Variants in SHISA9 observed in about 807,000 individuals in gnomAD.
SHISA9 encodes protein shisa-9.
Under a neutral mutation model 38.0 loss-of-function variants are expected in SHISA9, and 13 were observed. The observed-to-expected ratio is 0.34, with a 90% CI of 0.22 to 0.54. The LOEUF (loss-of-function observed/expected upper bound fraction) is 0.54. Ranked by LOEUF, SHISA9 falls within the 20% of genes least tolerant of loss-of-function variation. SHISA9 has a pLI of 0.91. For synonymous variants in SHISA9, 275 were observed against 242.0 expected, an observed-to-expected ratio of 1.14 and a Z score of -1.27; for missense variants, 538 against 575.8, an observed-to-expected ratio of 0.93 and a Z score of 0.67.
chr16:13,132,096 C>T (rs1274176371), intron 2 of SHISA9, among the ~76,000 whole-genome samples: 2 of 152,084 alleles, frequency 1.3e-5, no homozygotes, highest in Non-Finnish European at 2.9e-5. Context: ...ATGTATCAGC[C>T]AGAACAGAAA....
At chr16:13,458,572 G>A in the SHISA9 span, 8 of 415,868 alleles carry the variant, frequency 1.9e-5, no homozygotes, top group East Asian at 7.9e-5. Flanking sequence ...TGAACAGAAG[G>A]TGAAAGAGAT....
At chr16:13,528,330 T>C in the SHISA9 span, among the ~76,000 whole-genome samples, 1 of 151,764 alleles carries the variant, frequency 6.6e-6, no homozygotes. Context: ...CCAAAGAGCA[T>C]CAGAGCAGCC....
chr16:12,929,736 A>C (rs903845456), intron 2 of SHISA9, among the ~76,000 whole-genome samples: 4 of 152,050 alleles, frequency 2.6e-5, no homozygotes, highest in African/African-American at 9.7e-5. Context: ...CCACCACTGC[A>C]CACGTTTATA....
intron 2 of SHISA9, among the ~76,000 whole-genome samples, chr16:13,046,428 A>G (rs1416411785): frequency 1.3e-5 from 2 of 149,344 alleles, no homozygotes; most frequent in African/African-American, 4.8e-5. Context: ...TGCCCTGGGG[A>G]AAGCCAGGGA....
chr16:13,177,319 G>C (rs2050739627), intron 2 of SHISA9, among the ~76,000 whole-genome samples: 1 of 152,142 alleles, frequency 6.6e-6, no homozygotes, highest in Admixed American at 6.5e-5. Flanking sequence ...GCAATACGAA[G>C]TTTGGAAGCT....
At chr16:13,093,350 C>T (rs556084071) in intron 2 of SHISA9, among the ~76,000 whole-genome samples, 13 of 152,318 alleles carry the variant, frequency 8.5e-5, no homozygotes, top group African/African-American at 2.9e-4. Context: ...TGCTGTCCAT[C>T]TTTGAGCCTC....
At chr16:13,030,695 G>A (rs1373794372) in intron 2 of SHISA9, among the ~76,000 whole-genome samples, 1 of 152,172 alleles carries the variant, frequency 6.6e-6, no homozygotes, top group Non-Finnish European at 1.5e-5. Flanking sequence ...GTTACCTCTT[G>A]TAGACCACAG....
intron 2 of SHISA9, among the ~76,000 whole-genome samples, chr16:12,965,017 G>A (rs1468746749): frequency 1.3e-5 from 2 of 151,820 alleles, no homozygotes; most frequent in African/African-American, 2.4e-5. Context: ...ATGCACATAC[G>A]AATAAATGAA....
In SHISA9 at chr16:12,946,949, C is replaced by G. The variant is rs949122261; in HGVS notation, c.691+30134C>G. Among the ~76,000 whole-genome samples, 8 of 152,362 alleles carry G rather than the reference C, an allele frequency of 5.3e-5. No individual in the cohort carries two copies. The East Asian group carries it at 1.3e-3, about 26-fold the overall frequency. ...TTTCACGTATTGTCCATGGCTTTTTCTGCTGCAATAGCAGAGTTGAGTCGT... is the reference window on the plus strand; with the variant it reads ...TTTCACGTATTGTCCATGGCTTTTTGTGCTGCAATAGCAGAGTTGAGTCGT... On this transcript the variant is annotated intron_variant, in intron 2 of 4. Transcript: ENST00000558583.
intron 2 of SHISA9, among the ~76,000 whole-genome samples, chr16:13,077,235 T>C (rs1404341149): frequency 2.7e-5 from 4 of 150,346 alleles, no homozygotes; most frequent in Non-Finnish European, 5.9e-5. Context: ...CTTCTTCTTC[T>C]TCTTCTTCTT....
the SHISA9 span, among the ~76,000 whole-genome samples, chr16:13,482,200 G>A: frequency 6.6e-6 from 1 of 152,214 alleles, no homozygotes; most frequent in Non-Finnish European, 1.5e-5. Context: ...AATGCAGTCC[G>A]GCTATTTAGT....
chr16:13,354,801 T>G, the SHISA9 span, among the ~76,000 whole-genome samples: 1 of 152,256 alleles, frequency 6.6e-6, no homozygotes, highest in South Asian at 2.1e-4. Context: ...TAGAAGGTGC[T>G]GGGGTTTGAG....
At chr16:13,159,475 T>C (rs2050577272) in intron 2 of SHISA9, among the ~76,000 whole-genome samples, 1 of 152,234 alleles carries the variant, frequency 6.6e-6, no homozygotes. Context: ...AGCCCAGTAC[T>C]GTTTGGTTCT....
At chr16:13,427,167 C>T in the SHISA9 span, among the ~76,000 whole-genome samples, 2 of 152,202 alleles carry the variant, frequency 1.3e-5, no homozygotes, top group Non-Finnish European at 2.9e-5. Flanking sequence ...CAATTAAATG[C>T]TAAGCTTAAA....
At chr16:13,373,722 C>G in the SHISA9 span, among the ~76,000 whole-genome samples, 3 of 147,808 alleles carry the variant, frequency 2.0e-5, no homozygotes, top group Non-Finnish European at 4.4e-5. Flanking sequence ...GATTGCACCA[C>G]TGCACTCCAG....
the SHISA9 span, among the ~76,000 whole-genome samples, chr16:13,296,416 C>G: frequency 6.6e-6 from 1 of 151,412 alleles, no homozygotes; most frequent in African/African-American, 2.4e-5. Flanking sequence ...TGTTTTTGAA[C>G]AGCACGCAGG....
At position 12,999,915 on chromosome 16, in the gene SHISA9, T is replaced by C. The variant is rs144992859; in HGVS notation, c.691+83100T>C. Among the ~76,000 whole-genome samples, 947 of 152,266 alleles carry C rather than the reference T, an allele frequency of 6.2e-3. 11 individuals are homozygous for C. Among genetic ancestry groups the C allele is most frequent in the African/African-American group, 0.022 (897 of 41,552 alleles). On this transcript the variant is annotated intron_variant, in intron 2 of 4. Coordinates refer to ENST00000558583, the MANE Select transcript of SHISA9 (RefSeq NM_001145204.3). ...AGTCACATGGCCACACAGAATGCAA[T>C]GGAAGCTGGGAAATACAGTTATTCA... is the stretch of plus-strand genomic sequence containing the variant.
At chr16:12,933,621 G>A (rs139600913) in intron 2 of SHISA9, among the ~76,000 whole-genome samples, 1 of 152,026 alleles carries the variant, frequency 6.6e-6, no homozygotes, top group Non-Finnish European at 1.5e-5. Flanking sequence ...GTATATCCTT[G>A]ATTTAAAAAA....
intron 2 of SHISA9, among the ~76,000 whole-genome samples, chr16:13,184,573 A>G (rs1056589931): frequency 3.9e-5 from 6 of 152,244 alleles, no homozygotes; most frequent in African/African-American, 1.2e-4. Context: ...CAATCAAGAC[A>G]CAAAGTAGTT....
Sources: gnomAD v4.1 joint callset for allele counts (sites outside exome capture counted in the v4.1 genomes callset) on GRCh38, gnomAD v4.1.1 for gene constraint, MANE v1.5 for transcripts, NCBI Gene and HGNC (gene_info 2026-07-23, HGNC 2026-07-21) for gene names.